ANO9: variants seen among roughly 807,000 people sequenced by gnomAD.
ANO9 encodes anoctamin 9.
A neutral mutation model predicts 100.5 loss-of-function variants in ANO9; 80 were observed. That is an observed-to-expected ratio of 0.80 (90% CI 0.66 to 0.96). The LOEUF (loss-of-function observed/expected upper bound fraction) is 0.96, where lower values mean the gene tolerates loss of function less well. ANO9 is among the 40% of genes least tolerant of loss of function. ANO9 has a pLI of 0.00. For synonymous variants in ANO9, 473 were observed against 435.6 expected (o/e 1.09, Z -1.07); for missense variants, 1,064 against 1,072.7 (o/e 0.99, Z 0.11).
In ANO9 at chr11:438,333, A is replaced by G. The variant is rs559736962; in HGVS notation, c.6+3588T>C. Among the ~76,000 whole-genome samples the G allele has an allele frequency of 2.7e-3, 406 of 148,370 alleles. 1 individual carries two copies. The highest frequency in any genetic ancestry group is 9.8e-3 in the African/African-American group (398 of 40,454). The stretch of plus-strand genomic sequence containing the variant: ...TGCCAGGTGTAGCCCCCGCCGACAC[A>G]CACAGCCAGACAGGTGGAGTCCCCC... On this transcript the variant is annotated intron_variant, in intron 1 of 22. Transcript: ENST00000332826.
intron 1 of ANO9, among the ~76,000 whole-genome samples, chr11:437,018 A>AGGT (rs1849655510): frequency 4.6e-4 from 6 of 12,998 alleles, no homozygotes; most frequent in Non-Finnish European, 7.7e-4. Context: ...AGTGAGCTGG[A>AGGT]GATGAGCGGG....
Position 430,343 on chromosome 11 carries a change from C to T in ANO9, c.600G>A (p.Met200Ile). The T allele has an allele frequency of 1.2e-6, 2 of 1,609,680 alleles. No individual in the cohort carries two copies. Among genetic ancestry groups the T allele is most frequent in the African/African-American group, 1.4e-5 (1 of 74,038 alleles). The part of the protein sequence containing the change: ...YFVWLGWYTY[M>I]LVPAALTGLL... ...GGCCCGTCAGGGCGGCCGGCACCAGCATGTAGGTGTACCAGCCCAGCCAGA... is the reference window on the plus strand; with the variant it reads ...GGCCCGTCAGGGCGGCCGGCACCAGTATGTAGGTGTACCAGCCCAGCCAGA... Residue 200 changes from methionine (M) to isoleucine (I), a missense_variant, in exon 8 of 23, where the codon ATG becomes ATA. Transcript: ENST00000332826.
Position 420,389 on chromosome 11 carries a change from C to T in ANO9, c.1786+74G>A. 27 of 1,558,152 alleles carry T rather than the reference C, an allele frequency of 1.7e-5. 1 individual carries two copies. The highest frequency in any genetic ancestry group is 2.3e-5 in the Non-Finnish European group (27 of 1,158,770). ...GAGAGATTATTTTTTCCAGGTGAGC[C>T]GGCCTGGCCAGCGGGAAGCCCACAG... On this transcript the variant is annotated intron_variant, in intron 19 of 22. Transcript: ENST00000332826.
In ANO9 at chr11:418,455, A is replaced by T; in HGVS notation, c.2265T>A (p.Gly755=). 6.2e-7 allele frequency: 1 copy of T among 1,612,674 alleles called. No individual in the cohort carries two copies. The highest frequency in any genetic ancestry group is 8.5e-7 in the Non-Finnish European group (1 of 1,179,890). ...EKMWHGRQRL[G]GVGAGSRPPM... The stretch of plus-strand genomic sequence containing the variant: ...GGGGCCGAGAGCCTGCCCCCACCCC[A>T]CCCAGCCTCTGCCTTCCATGCCACA... Residue 755 remains glycine, a synonymous_variant, in exon 23 of 23, where the codon GGT becomes GGA. Coordinates refer to ENST00000332826, the MANE Select transcript of ANO9 (RefSeq NM_001012302.3).
At chr11:429,051 CAG>C (rs1252075302) in intron 11 of ANO9, among the ~76,000 whole-genome samples, 2 of 135,848 alleles carry the variant, frequency 1.5e-5, no homozygotes, top group African/African-American at 2.9e-5. Context: ...GAGACAGACA[CAG>C]GGACACGCCT....
chr11:420,325 G>A (rs1307585937), intron 19 of ANO9, 138 bp downstream of exon 19: 53 of 1,461,606 alleles, frequency 3.6e-5, no homozygotes, highest in Non-Finnish European at 4.4e-5. Context: ...ATCCGAGGCC[G>A]TCGGAGAAGG....
intron 1 of ANO9, among the ~76,000 whole-genome samples, chr11:437,197 C>CCTGATGAT (rs1845420781): frequency 6.6e-6 from 1 of 152,018 alleles, no homozygotes; most frequent in Admixed American, 6.6e-5. Flanking sequence ...GAATCTAATG[C>CCTGATGAT]CTGATGATCT....
rs375998377 is a variant in ANO9 at position 433,466 on chromosome 11, G to T, written c.205-7C>A. On this transcript the variant is annotated splice_region_variant and splice_polypyrimidine_tract_variant and intron_variant, in intron 3 of 22. Transcript: ENST00000332826. ...GTTTCTGGTCCCGGATCACCTGGGG[G>T]CACATGGGATCCTCTATCCCACCTC... 1 of 1,612,960 alleles carries T rather than the reference G, an allele frequency of 6.2e-7. No individual in the cohort carries two copies. Among genetic ancestry groups the T allele is most frequent in the Admixed American group, 1.7e-5 (1 of 59,970 alleles).
chr11:440,670 C>T (rs543451178), intron 1 of ANO9: 3 of 152,600 alleles, frequency 2.0e-5, no homozygotes, highest in Admixed American at 6.5e-5. Context: ...GCTGGGACCG[C>T]AGGCTCATGC....
chr11:430,358 G>C lies in ANO9; in HGVS notation c.585C>G (p.Gly195=). ...EKVALYFVWL[G]WYTYMLVPAA... The stretch of plus-strand genomic sequence containing the variant: ...CCGGCACCAGCATGTAGGTGTACCA[G>C]CCCAGCCAGACGAAGTACAGGGCCA... Residue 195 remains glycine, a synonymous_variant, in exon 8 of 23, where the codon GGC becomes GGG. Coordinates refer to ENST00000332826, the MANE Select transcript of ANO9 (RefSeq NM_001012302.3). 1 of 1,607,614 alleles carries C rather than the reference G, an allele frequency of 6.2e-7. No individual in the cohort carries two copies. Among genetic ancestry groups the C allele is most frequent in the Non-Finnish European group, 8.5e-7 (1 of 1,178,358 alleles).
intron 1 of ANO9, among the ~76,000 whole-genome samples, chr11:437,501 G>C (rs564586174): frequency 2.6e-5 from 4 of 152,240 alleles, no homozygotes; most frequent in African/African-American, 9.6e-5. Flanking sequence ...CCCTTCCTCT[G>C]ACTCCCTCCT....
Position 430,074 on chromosome 11 carries a change from G to A in ANO9, c.771+9C>T. On this transcript the variant is annotated intron_variant, in intron 9 of 22. Transcript: ENST00000332826. Reference sequence around the variant, plus strand: ...CGCAGGCCCTGGGGTGGACCCGGAGGCGACAAACCTTGGCAAAAGTGCAGG... The same window carrying A: ...CGCAGGCCCTGGGGTGGACCCGGAGACGACAAACCTTGGCAAAAGTGCAGG... The A allele has an allele frequency of 6.5e-7, 1 of 1,549,414 alleles. No individual in the cohort carries two copies. The highest frequency in any genetic ancestry group is 8.7e-7 in the Non-Finnish European group (1 of 1,146,906).
chr11:419,363 C>A, intron 20 of ANO9: 7 of 1,414,884 alleles, frequency 4.9e-6, no homozygotes, highest in Non-Finnish European at 5.5e-6. Context: ...GGGAACTTCA[C>A]CCCCAACTGC....
chr11:433,874 G>A lies in ANO9; in HGVS notation c.145C>T (p.Arg49Trp), dbSNP rs781760385. 7.7e-6 allele frequency: 12 copies of A among 1,563,804 alleles called. No individual in the cohort carries two copies. Among genetic ancestry groups the A allele is most frequent in the Admixed American group, 3.9e-5 (2 of 51,672 alleles). ...VAQRHTQRDPRQARQQQFLEE... is the reference protein window; with the variant it reads ...VAQRHTQRDPWQARQQQFLEE... ...AGGAACTGTTGCTGCCGCGCCTGCCGGGGGTCTCTCTGGGTGTGACGTTGG... is the reference window on the plus strand; with the variant it reads ...AGGAACTGTTGCTGCCGCGCCTGCCAGGGGTCTCTCTGGGTGTGACGTTGG... Residue 49 changes from arginine (R) to tryptophan (W), a missense_variant, in exon 3 of 23, where the codon CGG (arginine) becomes TGG (tryptophan). Arg to Trp is a moderately radical substitution (Grantham distance 101, BLOSUM62 -3). Coordinates refer to ENST00000332826, the MANE Select transcript of ANO9 (RefSeq NM_001012302.3).
At chr11:427,810 G>T (rs1212152082) in intron 15 of ANO9, among the ~76,000 whole-genome samples, 1 of 151,364 alleles carries the variant, frequency 6.6e-6, no homozygotes, top group East Asian at 2.0e-4. Flanking sequence ...AGCAGGTGCA[G>T]TTATTCCCAG....
chr11:433,364 A>G lies in ANO9; in HGVS notation c.300T>C (p.Pro100=), dbSNP rs1476316907. Residue 100 remains proline (P), a synonymous_variant, in exon 4 of 23, where the codon CCT becomes CCC. Transcript: ENST00000332826. ...GCGCGGCCAGCTCGGCGTGGGGGGC[A>G]GGCCCCTCAGGCTCCAGGAGGAGAG... is the stretch of plus-strand genomic sequence containing the variant. ...YRTLLLEPEG[P]APHAELAAPT... 6.8e-6 allele frequency: 11 copies of G among 1,612,844 alleles called. No homozygotes were observed. Among genetic ancestry groups the G allele is most frequent in the East Asian group, 2.2e-5 (1 of 44,886 alleles).
chr11:420,644 G>T, intron 18 of ANO9, 29 bp from the exon 19 acceptor site: 7 of 1,601,968 alleles, frequency 4.4e-6, no homozygotes, highest in Non-Finnish European at 5.9e-6. Flanking sequence ...GCTCACCGGC[G>T]CCCCGCACTC....
chr11:430,137 G>T lies in ANO9; in HGVS notation c.717C>A (p.Leu239=). The change falls in exon 9 of 23, where the codon CTC becomes CTA. Residue 239 remains leucine (L), a synonymous_variant. Coordinates refer to ENST00000332826, the MANE Select transcript of ANO9 (RefSeq NM_001012302.3). ...CEAHDILMCP[L]GDHSRRYQRL... Reference sequence around the variant, plus strand: ...GCTGGTACCTGCGGCTGTGGTCGCCGAGGGGACACATGAGGATGTCGTGGG... The same window carrying T: ...GCTGGTACCTGCGGCTGTGGTCGCCTAGGGGACACATGAGGATGTCGTGGG... 1 of 1,554,124 alleles carries T rather than the reference G, an allele frequency of 6.4e-7. No individual in the cohort carries two copies. The highest frequency in any genetic ancestry group is 1.2e-5 in the South Asian group (1 of 84,238).
At chr11:419,180 G>T (rs1216674304) in intron 20 of ANO9, 191 bp from the exon 21 acceptor site, 1 of 1,434,884 alleles carries the variant, frequency 7.0e-7, no homozygotes, top group Admixed American at 2.8e-5. Context: ...GGACTGTGGG[G>T]ACTCTGGGCA....
Sources: allele counts gnomAD v4.1 joint callset (sites outside exome capture counted in the v4.1 genomes callset), GRCh38; gene constraint gnomAD v4.1.1; transcripts MANE v1.5; gene names NCBI Gene and HGNC (gene_info 2026-07-23, HGNC 2026-07-21).